CNTNAP2: variants seen among roughly 807,000 people sequenced by gnomAD.
CNTNAP2 encodes the protein contactin associated protein 2.
In CNTNAP2, 98 loss-of-function variants were observed where a neutral mutation model predicts 155.2. The observed-to-expected ratio is 0.63, with a 90% CI of 0.54 to 0.75. CNTNAP2 has a LOEUF of 0.75. Among genes scored for constraint, CNTNAP2 ranks in the 30% least tolerant of loss-of-function variants. The probability of loss-of-function intolerance (pLI) is 0.00; values close to 1 mark genes in which losing one functional copy is unlikely to be tolerated. For missense variants in CNTNAP2, 1,727 were observed against 1,688.1 expected (o/e 1.02, Z -0.40); for synonymous variants, 651 against 631.2 (o/e 1.03, Z -0.47).
At chr7:146,368,793 A>G (rs1294802743) in intron 1 of CNTNAP2, among the ~76,000 whole-genome samples, 1 of 151,518 alleles carries the variant, frequency 6.6e-6, no homozygotes, top group Admixed American at 6.6e-5. Flanking sequence ...GTAATTGCCA[A>G]GAAGTATGGT....
chr7:147,622,507 G>A (rs181889720), intron 12 of CNTNAP2, among the ~76,000 whole-genome samples: 44 of 151,934 alleles, frequency 2.9e-4, no homozygotes, highest in African/African-American at 1.0e-3. Context: ...ACAAATACTG[G>A]AAAATTAATA....
intron 11 of CNTNAP2, among the ~76,000 whole-genome samples, chr7:147,519,023 C>CAAAAAA (rs149054741): frequency 9.8e-6 from 1 of 102,290 alleles, no homozygotes; most frequent in African/African-American, 3.7e-5. Context: ...GACTCTGTCT[C>CAAAAAA]AAAAAAAAAA....
chr7:147,093,458 G>A (rs917233220), intron 4 of CNTNAP2, among the ~76,000 whole-genome samples: 2 of 152,048 alleles, frequency 1.3e-5, no homozygotes, highest in Non-Finnish European at 1.5e-5. Flanking sequence ...AACACAAGCA[G>A]TCTTCATTAT....
intron 1 of CNTNAP2, among the ~76,000 whole-genome samples, chr7:146,190,158 C>T (rs1299226123): frequency 3.9e-5 from 6 of 152,166 alleles, no homozygotes; most frequent in Non-Finnish European, 8.8e-5. Context: ...AAACCTCATG[C>T]GTTCGTTTGT....
chr7:147,722,382 A>G (rs529622584), intron 13 of CNTNAP2, among the ~76,000 whole-genome samples: 2 of 152,244 alleles, frequency 1.3e-5, no homozygotes, highest in South Asian at 4.1e-4. Flanking sequence ...GAGGAGATTT[A>G]TGTAGATGAT....
intron 1 of CNTNAP2, among the ~76,000 whole-genome samples, chr7:146,339,332 A>G (rs1473264849): frequency 3.3e-5 from 5 of 152,170 alleles, no homozygotes; most frequent in East Asian, 1.9e-4. Flanking sequence ...TAAATTTTCT[A>G]TTTAAAAAGA....
intron 3 of CNTNAP2, among the ~76,000 whole-genome samples, chr7:146,942,002 A>AC (rs1797067533): frequency 6.6e-6 from 1 of 151,956 alleles, no homozygotes; most frequent in African/African-American, 2.4e-5. Context: ...TGAATGAAGA[A>AC]CTTTGACCTT....
chr7:147,313,110 T>G (rs894930234), intron 9 of CNTNAP2, among the ~76,000 whole-genome samples: 1 of 139,192 alleles, frequency 7.2e-6, no homozygotes, highest in African/African-American at 2.8e-5. Flanking sequence ...GATGGGGTTG[T>G]TTGTTTTTTT....
chr7:146,237,875 A>C (rs1188603759), intron 1 of CNTNAP2, among the ~76,000 whole-genome samples: 2 of 152,216 alleles, frequency 1.3e-5, no homozygotes, highest in Non-Finnish European at 2.9e-5. Context: ...TTGAGCATAA[A>C]AGTGTTTTAA....
intron 1 of CNTNAP2, among the ~76,000 whole-genome samples, chr7:146,192,155 C>T (rs1466737438): frequency 6.6e-6 from 1 of 152,312 alleles, no homozygotes; most frequent in East Asian, 1.9e-4. Context: ...GCCATCGCTT[C>T]AGCCGGTCCC....
At position 146,486,046 on chromosome 7, in the gene CNTNAP2, C is replaced by CTTTTTTTT. The variant is rs71175651; in HGVS notation, c.98-288196_98-288189dup. ...AAAAATGTACCCAACCCACAGCAGT[C>CTTTTTTTT]TTTTTTTTTTTTTTTTTTTTTTTTT... On this transcript the variant is annotated intron_variant, in intron 1 of 23. Coordinates refer to ENST00000361727, the MANE Select transcript of CNTNAP2 (RefSeq NM_014141.6). Among the ~76,000 whole-genome samples, 4 of 42,572 alleles carry CTTTTTTTT rather than the reference C, an allele frequency of 9.4e-5. 1 individual carries two copies. The highest frequency in any genetic ancestry group is 4.1e-4 in the Admixed American group (1 of 2,430). The allele number at this position is 42,572 out of a possible 152,430, so 27.9% of individuals were successfully genotyped here.
intron 1 of CNTNAP2, among the ~76,000 whole-genome samples, chr7:146,646,575 C>G (rs184652781): frequency 1.3e-5 from 2 of 152,202 alleles, no homozygotes; most frequent in East Asian, 3.9e-4. Flanking sequence ...ATTGAGGAAG[C>G]TAATTCATCC....
intron 18 of CNTNAP2, among the ~76,000 whole-genome samples, chr7:148,216,858 A>T (rs1335593588): frequency 1.3e-5 from 2 of 152,168 alleles, no homozygotes; most frequent in Non-Finnish European, 2.9e-5. Flanking sequence ...TTCTTATGAT[A>T]ATGAATAAGT....
intron 1 of CNTNAP2, among the ~76,000 whole-genome samples, chr7:146,382,320 C>T (rs1014733760): frequency 6.6e-6 from 1 of 152,076 alleles, no homozygotes; most frequent in African/African-American, 2.4e-5. Context: ...AGATGGTAAC[C>T]TACTTGAAGA....
At chr7:148,177,227 G>T (rs1794953430) in intron 18 of CNTNAP2, among the ~76,000 whole-genome samples, 1 of 152,210 alleles carries the variant, frequency 6.6e-6, no homozygotes, top group African/African-American at 2.4e-5. Flanking sequence ...GGTCCTTGCA[G>T]ATGTGATTAT....
intron 1 of CNTNAP2, among the ~76,000 whole-genome samples, chr7:146,552,604 G>A (rs556969747): frequency 2.6e-5 from 4 of 151,974 alleles, no homozygotes; most frequent in South Asian, 4.2e-4. Flanking sequence ...CTCCTCTAAC[G>A]ACTTTCCTTC....
chr7:147,711,835 C>T (rs1224043887), intron 13 of CNTNAP2, among the ~76,000 whole-genome samples: 1 of 152,122 alleles, frequency 6.6e-6, no homozygotes, highest in East Asian at 1.9e-4. Context: ...TTGTGTGGGA[C>T]CATGGCTTCT....
chr7:146,931,786 C>A (rs990084147), intron 3 of CNTNAP2, among the ~76,000 whole-genome samples: 6 of 150,858 alleles, frequency 4.0e-5, no homozygotes, highest in South Asian at 2.1e-4. Flanking sequence ...ATACAAACTA[C>A]CATCAGAGAA....
At chr7:146,483,293 A>G (rs1796999126) in intron 1 of CNTNAP2, among the ~76,000 whole-genome samples, 1 of 59,230 alleles carries the variant, frequency 1.7e-5, no homozygotes, top group Non-Finnish European at 3.0e-5. Context: ...ATATATATAT[A>G]TATATATATA....
Sources: gnomAD v4.1 joint callset for allele counts (sites outside exome capture counted in the v4.1 genomes callset) on GRCh38, gnomAD v4.1.1 for gene constraint, MANE v1.5 for transcripts, NCBI Gene and HGNC (gene_info 2026-07-23, HGNC 2026-07-21) for gene names.